HTR2C: variants seen among roughly 807,000 people sequenced by gnomAD.
HTR2C encodes 5-hydroxytryptamine receptor 2C, also known as 5-hydroxytryptamine (serotonin) receptor 2C, G protein-coupled.
HTR2C carries 5 observed loss-of-function variants against 21.0 expected under a neutral mutation model. The ratio of observed to expected loss-of-function variants is 0.24; its 90% CI spans 0.12 to 0.50. The LOEUF is 0.50. Ranked by LOEUF, HTR2C falls within the 20% of genes least tolerant of loss-of-function variation. The pLI is 0.98. For missense variants in HTR2C, 271 were observed against 371.2 expected, an observed-to-expected ratio of 0.73 and a Z score of 2.22; for synonymous variants, 150 against 145.3, an observed-to-expected ratio of 1.03 and a Z score of -0.23.
intron 2 of HTR2C, among the ~76,000 whole-genome samples, chrX:114,632,261 A>G (rs1182897164): frequency 8.9e-6 from 1 of 111,885 alleles, no homozygotes; most frequent in Non-Finnish European, 1.9e-5. Flanking sequence ...GGAAGACCTC[A>G]CCTCATACTA....
chrX:114,647,780 G>T (rs1356816068), intron 2 of HTR2C, among the ~76,000 whole-genome samples: 1 of 112,131 alleles, frequency 8.9e-6, no homozygotes, highest in African/African-American at 3.2e-5. Context: ...GCAGGACTCT[G>T]TGTAATGACT....
intron 2 of HTR2C, among the ~76,000 whole-genome samples, chrX:114,638,690 C>A (rs1200536185): frequency 6.7e-5 from 5 of 74,668 alleles, no homozygotes; most frequent in Admixed American, 1.8e-4. Context: ...CCCACCCCAC[C>A]ACAGTCCCCA....
chrX:114,806,070 A>ATATATACCATC (rs1210001090), intron 4 of HTR2C, among the ~76,000 whole-genome samples: 1 of 100,987 alleles, frequency 9.9e-6, no homozygotes, highest in African/African-American at 3.6e-5. Flanking sequence ...TATACACCAT[A>ATATATACCATC]TATACACCAT....
At chrX:114,693,710 G>A (rs1246797609) in intron 2 of HTR2C, among the ~76,000 whole-genome samples, 2 of 111,566 alleles carry the variant, frequency 1.8e-5, no homozygotes, top group East Asian at 5.6e-4. Flanking sequence ...ATCACCCCTG[G>A]TTGAGAACCA....
intron 2 of HTR2C, among the ~76,000 whole-genome samples, chrX:114,666,300 C>A (rs1449983337): frequency 1.8e-5 from 2 of 111,952 alleles, no homozygotes; most frequent in Non-Finnish European, 3.8e-5. Flanking sequence ...AGCTAACCAA[C>A]CTTCAGGGAT....
chrX:114,806,715 GAT>G lies in HTR2C; in HGVS notation c.350-41282_350-41281del, dbSNP rs2070451106. Among the ~76,000 whole-genome samples the G allele has an allele frequency of 4.3e-5, 4 of 92,084 alleles. No homozygotes were observed. The Admixed American group carries it at 5.1e-4, about 12-fold the overall frequency. 80.0% of individuals were successfully genotyped at this position (92,084 alleles called of 115,157 possible). A position where few individuals can be genotyped will look rare whatever the true frequency, so the allele number is the denominator to read the frequency against. On this transcript the variant is annotated intron_variant, in intron 4 of 5. Transcript: ENST00000276198. Reference sequence around the variant, plus strand: ...ATACACCATATATACACACCATATAGATATATACACCATATATATACACACCA... The same window carrying G: ...ATACACCATATATACACACCATATAGATATACACCATATATATACACACCA...
Position 114,907,326 on chromosome X carries a change from A to G in HTR2C, c.1288A>G (p.Asn430Asp). Residue 430 changes from asparagine to aspartate, a missense_variant, in exon 6 of 6, where the codon AAT becomes GAT. This residue lies in a region of HTR2C where 192 missense variants were observed against 247.2 expected (regional missense o/e 0.78). Transcript: ENST00000276198. ...NEPVIEKASD[N>D]EPGIEMQVEN... ...ACCGGTGATCGAGAAAGCCAGTGAC[A>G]ATGAGCCCGGTATAGAGATGCAAGT... 2 of 1,211,314 alleles carry G rather than the reference A, an allele frequency of 1.7e-6. No homozygotes were observed. The highest frequency in any genetic ancestry group is 2.2e-6 in the Non-Finnish European group (2 of 895,121).
intron 4 of HTR2C, among the ~76,000 whole-genome samples, chrX:114,830,696 TG>T (rs1221383287): frequency 1.0e-4 from 11 of 109,808 alleles, no homozygotes; most frequent in Admixed American, 9.8e-4. Context: ...TGCTGTTTTT[TG>T]TTTTTTTTAT....
At chrX:114,797,846 C>T (rs782221745) in intron 4 of HTR2C, among the ~76,000 whole-genome samples, 34 of 111,630 alleles carry the variant, frequency 3.0e-4, no homozygotes, top group Non-Finnish European at 5.9e-4. Flanking sequence ...GAGGACTGAA[C>T]GATCAGCAAT....
intron 4 of HTR2C, among the ~76,000 whole-genome samples, chrX:114,821,720 A>T (rs1434649173): frequency 9.0e-6 from 1 of 111,402 alleles, no homozygotes; most frequent in Non-Finnish European, 1.9e-5. Context: ...TATAAAAAGC[A>T]GTATTCAAAA....
intron 4 of HTR2C, among the ~76,000 whole-genome samples, chrX:114,805,508 A>G (rs1602809057): frequency 2.2e-5 from 2 of 90,453 alleles, no homozygotes; most frequent in Admixed American, 2.7e-4. Flanking sequence ...GTAGGTTTGT[A>G]GATATATATA....
intron 4 of HTR2C, among the ~76,000 whole-genome samples, chrX:114,747,147 C>T (rs2069713577): frequency 8.9e-6 from 1 of 111,837 alleles, no homozygotes; most frequent in Non-Finnish European, 1.9e-5. Flanking sequence ...TGCACTTCAG[C>T]CTGGATGACA....
At chrX:114,806,923 T>TATATATACCATATGTATATACC (rs781806415) in intron 4 of HTR2C, among the ~76,000 whole-genome samples, 3 of 93,754 alleles carry the variant, frequency 3.2e-5, no homozygotes, top group African/African-American at 1.1e-4. Flanking sequence ...GTATATACCA[T>TATATATACCATATGTATATACC]ATATATACCA....
intron 2 of HTR2C, among the ~76,000 whole-genome samples, chrX:114,639,733 T>C (rs1050784052): frequency 5.3e-5 from 6 of 112,253 alleles, no homozygotes; most frequent in Non-Finnish European, 9.4e-5. Flanking sequence ...TCACAGATTA[T>C]AATGTTGCAG....
chrX:114,689,208 G>GTGTA (rs1556414750), intron 2 of HTR2C, among the ~76,000 whole-genome samples: 5 of 72,721 alleles, frequency 6.9e-5, no homozygotes, highest in African/African-American at 2.7e-4. Flanking sequence ...GTATGTATGC[G>GTGTA]TATATATATA....
At chrX:114,728,911 T>C (rs1169062685) in intron 3 of HTR2C, among the ~76,000 whole-genome samples, 1 of 112,321 alleles carries the variant, frequency 8.9e-6, no homozygotes, top group Non-Finnish European at 1.9e-5. Context: ...GACTGCATAT[T>C]CCCCTAGGAC....
At chrX:114,839,649 G>A (rs997678580) in intron 4 of HTR2C, among the ~76,000 whole-genome samples, 7 of 110,546 alleles carry the variant, frequency 6.3e-5, no homozygotes, top group Non-Finnish European at 1.3e-4. Context: ...ATAGTGTCAC[G>A]GCACACCAGC....
chrX:114,688,251 G>T (rs1246603308), intron 2 of HTR2C, among the ~76,000 whole-genome samples: 1 of 106,577 alleles, frequency 9.4e-6, no homozygotes, highest in Non-Finnish European at 1.9e-5. Context: ...AACCTGGGAG[G>T]CAGGGGTTGC....
chrX:114,762,882 C>A (rs1021781505), intron 4 of HTR2C, among the ~76,000 whole-genome samples: 1 of 112,076 alleles, frequency 8.9e-6, no homozygotes, highest in Admixed American at 9.5e-5. Context: ...TCCACATTCA[C>A]CCCTGTGCTA....
Sources: gnomAD v4.1 joint callset for allele counts (sites outside exome capture counted in the v4.1 genomes callset) on GRCh38, gnomAD v4.1.1 for gene constraint, gnomAD v4.1.1 regional missense constraint, MANE v1.5 for transcripts, NCBI Gene and HGNC (gene_info 2026-07-23, HGNC 2026-07-21) for gene names.